The following USH2A variants were observed in gnomAD, a reference collection of about 807,000 sequenced individuals.
The protein encoded by USH2A is Usher syndrome 2A (autosomal recessive, mild).
USH2A carries 443 observed loss-of-function variants against 538.9 expected under a neutral mutation model. That is an observed-to-expected ratio of 0.82 (90% confidence interval 0.76 to 0.89). The LOEUF (loss-of-function observed/expected upper bound fraction) is 0.89, where lower values mean the gene tolerates loss of function less well. USH2A is among the 40% of genes least tolerant of loss of function. The pLI is 0.00. For synonymous variants in USH2A, 2,413 were observed against 2,273.5 expected (o/e 1.06, Z -1.75); for missense variants, 6,633 against 6,324.8 (o/e 1.05, Z -1.65).
chr1:216,163,555 T>A (rs570080577), intron 21 of USH2A, among the ~76,000 whole-genome samples: 71 of 152,096 alleles, frequency 4.7e-4, no homozygotes, highest in Non-Finnish European at 9.0e-4. Flanking sequence ...CCCGACATTG[T>A]ATAGGAAAAA....
chr1:216,003,161 C>A (rs1055397910), intron 32 of USH2A, among the ~76,000 whole-genome samples: 6 of 152,018 alleles, frequency 3.9e-5, no homozygotes, highest in Non-Finnish European at 5.9e-5. Flanking sequence ...ATACTTAGAA[C>A]AAGTATACCT....
rs193044268 is a variant in USH2A, at chr1:216,149,008, C to G, written c.4627+26244G>C. ...TAATTCTCATAAAAACACACGTGCT[C>G]TCCCTGCCAATCCTGTCCGACTAAT... On this transcript the variant is annotated intron_variant, in intron 21 of 71. Coordinates refer to ENST00000307340, the MANE Select transcript of USH2A (RefSeq NM_206933.4). Among the ~76,000 whole-genome samples, 43 of 152,164 alleles carry G rather than the reference C, an allele frequency of 2.8e-4. No homozygotes were observed. The East Asian group carries it at 8.1e-3, about 29-fold the overall frequency.
At chr1:216,262,985 G>A (rs2102569116) in intron 11 of USH2A, among the ~76,000 whole-genome samples, 1 of 152,238 alleles carries the variant, frequency 6.6e-6, no homozygotes, top group East Asian at 1.9e-4. Flanking sequence ...GATCATTGGA[G>A]ACTATTATGA....
chr1:216,156,612 A>G (rs1370645639), intron 21 of USH2A, among the ~76,000 whole-genome samples: 1 of 152,066 alleles, frequency 6.6e-6, no homozygotes, highest in African/African-American at 2.4e-5. Context: ...CCTTTCAGTT[A>G]TTACCCCATC....
Position 215,758,616 on chromosome 1 carries a change from A to G in USH2A, c.11368T>C (p.Phe3790Leu). 1 of 1,613,608 alleles carries G rather than the reference A, an allele frequency of 6.2e-7. No homozygotes were observed. Among genetic ancestry groups the G allele is most frequent in the Non-Finnish European group, 8.5e-7 (1 of 1,179,860 alleles). Residue 3790 changes from phenylalanine to leucine, a missense_variant, in exon 58 of 72, where the codon TTT (phenylalanine) becomes CTT (leucine). Phe to Leu is a conservative substitution (Grantham distance 22). Coordinates refer to ENST00000307340, the MANE Select transcript of USH2A (RefSeq NM_206933.4). ...NITVIGPYSI[F>L]VAWIPPGILI... ...TTACCTGGTGGTATCCAAGCTACAAATATAGAATAAGGCCCAATTACTGTG... is the reference window on the plus strand; with the variant it reads ...TTACCTGGTGGTATCCAAGCTACAAGTATAGAATAAGGCCCAATTACTGTG...
intron 46 of USH2A, among the ~76,000 whole-genome samples, chr1:215,840,651 G>A (rs1360897519): frequency 2.6e-5 from 4 of 152,074 alleles, no homozygotes; most frequent in East Asian, 1.9e-4. Flanking sequence ...ACTTTTAAAC[G>A]TTAACTCTTG....
At chr1:216,271,325 A>G (rs904506324) in intron 11 of USH2A, among the ~76,000 whole-genome samples, 1 of 152,062 alleles carries the variant, frequency 6.6e-6, no homozygotes, top group Non-Finnish European at 1.5e-5. Context: ...TGCACATCAA[A>G]CATCCCGTCC....
chr1:216,150,308 C>T (rs1224994374), intron 21 of USH2A, among the ~76,000 whole-genome samples: 1 of 152,002 alleles, frequency 6.6e-6, no homozygotes. Context: ...TCTTTGCTGG[C>T]AAGGCACCCT....
At chr1:216,047,610 G>C (rs555527030) in intron 31 of USH2A, among the ~76,000 whole-genome samples, 1 of 152,080 alleles carries the variant, frequency 6.6e-6, no homozygotes, top group Non-Finnish European at 1.5e-5. Context: ...ATGGGTCCAT[G>C]TCTTCCTTTC....
chr1:216,166,054 T>A (rs1311748958), intron 21 of USH2A, among the ~76,000 whole-genome samples: 1 of 152,196 alleles, frequency 6.6e-6, no homozygotes, highest in South Asian at 2.1e-4. Context: ...CCTGTCTTAA[T>A]AGAATGCGGT....
chr1:216,153,216 C>A (rs1485008019), intron 21 of USH2A, among the ~76,000 whole-genome samples: 1 of 152,160 alleles, frequency 6.6e-6, no homozygotes, highest in Non-Finnish European at 1.5e-5. Context: ...ACCAAGAAAG[C>A]ACTGAGCTGG....
At chr1:216,329,544 GT>G (rs1219009849) in intron 4 of USH2A, among the ~76,000 whole-genome samples, 3 of 152,032 alleles carry the variant, frequency 2.0e-5, no homozygotes, top group African/African-American at 7.2e-5. Context: ...CCTGTGTCCC[GT>G]TTTTTCTTTA....
intron 4 of USH2A, among the ~76,000 whole-genome samples, chr1:216,334,875 T>C (rs2037939508): frequency 1.3e-5 from 2 of 151,846 alleles, no homozygotes; most frequent in South Asian, 4.1e-4. Flanking sequence ...AATATCCTAC[T>C]TTCAATCATG....
intron 27 of USH2A, among the ~76,000 whole-genome samples, chr1:216,073,685 T>C (rs2031647622): frequency 6.6e-6 from 1 of 152,238 alleles, no homozygotes; most frequent in Admixed American, 6.5e-5. Context: ...TAAGTTACTA[T>C]ATAAGTCAGT....
At chr1:215,686,246 C>A (rs150099254) in intron 61 of USH2A, among the ~76,000 whole-genome samples, 2 of 152,042 alleles carry the variant, frequency 1.3e-5, no homozygotes, top group African/African-American at 4.8e-5. Context: ...TACATACACA[C>A]AATTCAGTGT....
intron 61 of USH2A, among the ~76,000 whole-genome samples, chr1:215,719,892 T>C (rs1297692056): frequency 6.6e-6 from 1 of 152,102 alleles, no homozygotes; most frequent in Non-Finnish European, 1.5e-5. Flanking sequence ...ATAGAATCAA[T>C]AGCACTTAGT....
intron 21 of USH2A, among the ~76,000 whole-genome samples, chr1:216,121,868 C>A (rs981432773): frequency 6.6e-6 from 1 of 152,132 alleles, no homozygotes; most frequent in Non-Finnish European, 1.5e-5. Flanking sequence ...ATTCTGCAAC[C>A]TTTACCTGTC....
At chr1:216,297,695 G>A (rs755648422) in intron 9 of USH2A, among the ~76,000 whole-genome samples, 13 of 152,082 alleles carry the variant, frequency 8.5e-5, no homozygotes, top group Middle Eastern at 3.2e-3. Context: ...ACTGGTCTAC[G>A]ATCTGCTTTG....
In USH2A at chr1:215,965,441, T is replaced by C; in HGVS notation, c.6996A>G (p.Thr2332=). The C allele has an allele frequency of 6.2e-7, 1 of 1,613,772 alleles. No individual in the cohort carries two copies. The highest frequency in any genetic ancestry group is 8.5e-7 in the Non-Finnish European group (1 of 1,179,758). ...CCTGTGTTTTGACAAACACATTTAC[T>C]GTTCCTTCAGGAGGAGCTTCTAGAG... ...NRTLEAPPEG[T]VNVFVKTQGS... is the part of the protein sequence containing the mutation. Residue 2332 remains threonine (T), a synonymous_variant, in exon 37 of 72, where the codon ACA becomes ACG. Coordinates refer to ENST00000307340, the MANE Select transcript of USH2A (RefSeq NM_206933.4).
Sources: gnomAD v4.1 joint callset for allele counts (sites outside exome capture counted in the v4.1 genomes callset) on GRCh38, gnomAD v4.1.1 for gene constraint, MANE v1.5 for transcripts, NCBI Gene and HGNC (gene_info 2026-07-23, HGNC 2026-07-21) for gene names.